The following TXNDC11 variants were observed in gnomAD, a reference collection of about 807,000 sequenced individuals.
The protein encoded by TXNDC11 is thioredoxin domain-containing protein 11.
TXNDC11 carries 68 observed loss-of-function variants against 78.0 expected under a neutral mutation model. That is an observed-to-expected ratio of 0.87 (90% confidence interval 0.72 to 1.07). The LOEUF is 1.07. Among genes scored for constraint, TXNDC11 ranks in the 50% least tolerant of loss-of-function variants. TXNDC11 has a pLI of 0.00. For synonymous variants in TXNDC11, 571 were observed against 495.2 expected, an observed-to-expected ratio of 1.15 and a Z score of -2.03; for missense variants, 1,389 against 1,221.8, an observed-to-expected ratio of 1.14 and a Z score of -2.04.
chr16:11,682,187 T>A (rs770090672), intron 11 of TXNDC11, among the ~76,000 whole-genome samples: 29 of 152,282 alleles, frequency 1.9e-4, no homozygotes, highest in Non-Finnish European at 3.8e-4. Context: ...CAGCTCACGC[T>A]GCTTGCCCAT....
At position 11,736,005 on chromosome 16, in the gene TXNDC11, T is replaced by C. The variant is rs2052209037; in HGVS notation, c.471+12A>G. The C allele has an allele frequency of 1.9e-6, 3 of 1,612,762 alleles. No homozygotes were observed. Among genetic ancestry groups the C allele is most frequent in the Non-Finnish European group, 2.5e-6 (3 of 1,179,574 alleles). ...ACAGTCATTTGATTCTTAAGCTGAATGTGAGCATTACCTGATCTGAAAGCC... is the reference window on the plus strand; with the variant it reads ...ACAGTCATTTGATTCTTAAGCTGAACGTGAGCATTACCTGATCTGAAAGCC... On this transcript the variant is annotated intron_variant, in intron 2 of 11. Transcript: ENST00000283033.
Position 11,694,097 on chromosome 16 carries a change from C to CTTTTT in TXNDC11, c.1108-2020_1108-2016dup, listed in dbSNP as rs535913245. The stretch of plus-strand genomic sequence containing the variant: ...AGAAAGTATTCTGTCTACAGCAATG[C>CTTTTT]TTTTTTTTTTTTTTTTTTTTTTTTT... On this transcript the variant is annotated intron_variant, in intron 7 of 11. Transcript: ENST00000283033. Among the ~76,000 whole-genome samples, 90 of 85,682 alleles carry CTTTTT rather than the reference C, an allele frequency of 1.1e-3. 18 individuals carry two copies. The highest frequency in any genetic ancestry group is 3.8e-3 in the African/African-American group (78 of 20,500). The allele number at this position is 85,682 out of a possible 152,430, so 56.2% of individuals were successfully genotyped here.
chr16:11,723,897 GGAAA>G (rs1259830200), intron 4 of TXNDC11, among the ~76,000 whole-genome samples: 13 of 152,138 alleles, frequency 8.5e-5, no homozygotes, highest in African/African-American at 3.1e-4. Context: ...AGAAATTCAT[GGAAA>G]GATTCTTAAA....
At chr16:11,697,837 T>C (rs574023934) in intron 7 of TXNDC11, among the ~76,000 whole-genome samples, 1 of 152,314 alleles carries the variant, frequency 6.6e-6, no homozygotes, top group South Asian at 2.1e-4. Context: ...AAGAGGGCAT[T>C]TGGTCCTTCT....
chr16:11,691,460 T>C lies in TXNDC11; in HGVS notation c.1730A>G (p.Asn577Ser). ...TNFTGLSCRT[N>S]KTLNIYLLDS... ...CAAAAGGTAGATGTTGAGAGTCTTG[T>C]TGGTTCTGCAGCTCAGGCCTGTGAA... The change falls in exon 8 of 12, where the codon AAC becomes AGC. Residue 577 changes from asparagine (N) to serine (S), a missense_variant. Asn to Ser is a conservative substitution (Grantham distance 46, BLOSUM62 1). Coordinates refer to ENST00000283033, the MANE Select transcript of TXNDC11 (RefSeq NM_015914.7). 4 of 1,614,220 alleles carry C rather than the reference T, an allele frequency of 2.5e-6. No individual in the cohort carries two copies. Among genetic ancestry groups the C allele is most frequent in the East Asian group, 2.2e-5 (1 of 44,886 alleles).
chr16:11,691,314 G>A lies in TXNDC11; in HGVS notation c.1876C>T (p.Gln626Ter). 2 of 1,613,936 alleles carry A rather than the reference G, an allele frequency of 1.2e-6. No homozygotes were observed. The highest frequency in any genetic ancestry group is 1.7e-6 in the Non-Finnish European group (2 of 1,179,880). The change falls in exon 8 of 12, where the codon CAA becomes TAA. Residue 626 changes from glutamine (Q) to a stop codon, truncating the protein, a stop_gained. Transcript: ENST00000283033. LOFTEE classifies it high-confidence loss of function. ...EESHYILDPKQALMKLTLESF... is the reference protein window; with the variant it reads ...EESHYILDPK The stretch of plus-strand genomic sequence containing the variant: ...CCTAGGGTGAGCTTCATCAGTGCTT[G>A]CTTTGGATCCAAGATGTAATGAGAT...
chr16:11,680,603 C>T (rs2050399063), intron 11 of TXNDC11, among the ~76,000 whole-genome samples: 1 of 152,204 alleles, frequency 6.6e-6, no homozygotes, highest in South Asian at 2.1e-4. Flanking sequence ...TCTCACATAT[C>T]TATTTACCTG....
At chr16:11,703,509 T>TACACATACACACAC (rs373777451) in intron 5 of TXNDC11, among the ~76,000 whole-genome samples, 14 of 145,044 alleles carry the variant, frequency 9.7e-5, no homozygotes, top group African/African-American at 3.6e-4. Context: ...AGGCTTTTGA[T>TACACATACACACAC]ACACACACAC....
intron 11 of TXNDC11, among the ~76,000 whole-genome samples, chr16:11,681,630 G>C (rs2050428026): frequency 6.6e-6 from 1 of 152,094 alleles, no homozygotes; most frequent in South Asian, 2.1e-4. Flanking sequence ...TCTTCCCCTG[G>C]GACACATCAG....
At position 11,713,111 on chromosome 16, in the gene TXNDC11, A is replaced by G. The variant is rs199582497; in HGVS notation, c.793+8466T>C. Among the ~76,000 whole-genome samples, 6 of 12,008 alleles carry G rather than the reference A, an allele frequency of 5.0e-4. No individual in the cohort carries two copies. In the East Asian group the frequency reaches 0.018, roughly 36 times the overall value. 7.9% of individuals were successfully genotyped at this position (12,008 alleles called of 152,430 possible). A position where few individuals can be genotyped will look rare whatever the true frequency, so the allele number is the denominator to read the frequency against. On this transcript the variant is annotated intron_variant, in intron 5 of 11. Transcript: ENST00000283033. ...AACAAGAGTGAAACTCTGTCTCAGG[A>G]AAAAAAAAAAAAAAAAAAATTGCCA...
At chr16:11,736,354 A>T in intron 1 of TXNDC11, 121 bp from the exon 2 acceptor site, 1 of 756,064 alleles carries the variant, frequency 1.3e-6, no homozygotes, top group East Asian at 2.7e-5. Context: ...GGAGTCCCAA[A>T]ATCACTGCCC....
chr16:11,679,516 G>C lies in TXNDC11; in HGVS notation c.2556C>G (p.Leu852=), dbSNP rs780788214. 2 of 1,613,384 alleles carry C rather than the reference G, an allele frequency of 1.2e-6. No individual in the cohort carries two copies. Among genetic ancestry groups the C allele is most frequent in the Non-Finnish European group, 1.7e-6 (2 of 1,180,028 alleles). ...QRALEEQHSL[L]HAHSEQLQAL... Reference sequence around the variant, plus strand: ...CCTGCAGCTGCTCACTGTGTGCGTGGAGCAGGCTGTGCTGCTCTTCCAGGG... The same window carrying C: ...CCTGCAGCTGCTCACTGTGTGCGTGCAGCAGGCTGTGCTGCTCTTCCAGGG... Residue 852 remains leucine (L), a synonymous_variant, in exon 12 of 12, where the codon CTC becomes CTG. Transcript: ENST00000283033. The surrounding 1 kb of genome is among the most constrained non-coding windows in gnomAD (Gnocchi z 4.6).
intron 5 of TXNDC11, among the ~76,000 whole-genome samples, chr16:11,716,065 A>C (rs1205170467): frequency 3.9e-5 from 6 of 152,202 alleles, no homozygotes. Context: ...ACCCTCCCCA[A>C]ATTTAAAGAT....
chr16:11,730,618 G>A (rs777876411), intron 4 of TXNDC11, 27 bp downstream of exon 4: 14 of 1,609,552 alleles, frequency 8.7e-6, no homozygotes, highest in Middle Eastern at 1.6e-4. Flanking sequence ...CCTTGAGTAT[G>A]GAGGAGGAGA....
chr16:11,742,242 G>A, intron 1 of TXNDC11: 1 of 435,900 alleles, frequency 2.3e-6, no homozygotes, highest in Non-Finnish European at 4.0e-6. Flanking sequence ...CGGCACTAAA[G>A]CGGGACGATA....
At chr16:11,700,366 A>G (rs1309050916) in intron 6 of TXNDC11, 86 bp downstream of exon 6, 3 of 627,500 alleles carry the variant, frequency 4.8e-6, no homozygotes, top group Non-Finnish European at 8.4e-6. Flanking sequence ...GTGTCCATAG[A>G]TTTTAACCAA....
chr16:11,711,946 T>G (rs1318011754), intron 5 of TXNDC11, among the ~76,000 whole-genome samples: 1 of 152,204 alleles, frequency 6.6e-6, no homozygotes. Context: ...ATATAAAAGG[T>G]GGCCAAGGAC....
chr16:11,742,513 C>T lies in TXNDC11; in HGVS notation c.218G>A (p.Gly73Asp). Reference protein sequence around the residue: ...PELLCGAVALGCALLLALKFT... With the variant: ...PELLCGAVALDCALLLALKFT... ...CTTGAGGGCGAGGAGCAGCGCGCAG[C>T]CGAGCGCCACGGCCCCGCAGAGCAG... The change falls in exon 1 of 12, where the codon GGC (glycine) becomes GAC (aspartate). Residue 73 changes from glycine (G) to aspartate (D), a missense_variant. Transcript: ENST00000283033. The T allele has an allele frequency of 2.1e-6, 3 of 1,455,828 alleles. No homozygotes were observed. The highest frequency in any genetic ancestry group is 2.7e-6 in the Non-Finnish European group (3 of 1,112,420). The allele number at this position is 1,455,828 out of a possible 1,614,324, so 90.2% of individuals were successfully genotyped here. A position where few individuals can be genotyped will look rare whatever the true frequency, so the allele number is the denominator to read the frequency against.
chr16:11,694,360 G>A (rs987831766), intron 7 of TXNDC11, among the ~76,000 whole-genome samples: 4 of 151,916 alleles, frequency 2.6e-5, no homozygotes, highest in Non-Finnish European at 5.9e-5. Context: ...GGCTGGTCTC[G>A]AACTCCTGAC....
Sources: allele counts gnomAD v4.1 joint callset (sites outside exome capture counted in the v4.1 genomes callset), GRCh38; gene constraint gnomAD v4.1.1; non-coding constraint Gnocchi (gnomAD v3.1); transcripts MANE v1.5; gene names NCBI Gene and HGNC (gene_info 2026-07-23, HGNC 2026-07-21).